The following SMG5 variants were observed in gnomAD, a reference collection of about 807,000 sequenced individuals.
The protein encoded by SMG5 is nonsense-mediated mRNA decay factor SMG5.
In SMG5, 53 loss-of-function variants were observed where a neutral mutation model predicts 122.9. The observed-to-expected ratio is 0.43, with a 90% CI of 0.35 to 0.54. SMG5 has a LOEUF of 0.54. SMG5 is among the 20% of genes least tolerant of loss of function. The pLI is 0.01. For synonymous variants in SMG5, 477 were observed against 490.2 expected, an observed-to-expected ratio of 0.97 and a Z score of 0.35; for missense variants, 1,153 against 1,285.6, an observed-to-expected ratio of 0.90 and a Z score of 1.58.
chr1:156,273,577 C>T, intron 5 of SMG5, 127 bp from the exon 6 acceptor site: 1 of 854,178 alleles, frequency 1.2e-6, no homozygotes, highest in Admixed American at 2.3e-5. Context: ...AGCTAGGAAG[C>T]AGGTTGCTGG....
intron 12 of SMG5, among the ~76,000 whole-genome samples, chr1:156,264,085 T>C (rs1661993941): frequency 6.6e-6 from 1 of 151,826 alleles, no homozygotes. Flanking sequence ...CTGGCCAACA[T>C]GGTGAAACCC....
chr1:156,256,310 CTTTTTTT>C (rs533116327), intron 16 of SMG5, among the ~76,000 whole-genome samples: 16 of 86,960 alleles, frequency 1.8e-4, no homozygotes, highest in African/African-American at 5.3e-4. Flanking sequence ...CATCTTCTCT[CTTTTTTT>C]TTTTTTTTTT....
At chr1:156,275,441 G>A (rs1216517432) in intron 4 of SMG5, among the ~76,000 whole-genome samples, 1 of 152,118 alleles carries the variant, frequency 6.6e-6, no homozygotes, top group South Asian at 2.1e-4. Flanking sequence ...GCATTCTACA[G>A]TATTAACTTA....
rs1661959421 is a variant in SMG5, at chr1:156,263,502, T to C, written c.1924A>G (p.Ile642Val). 1 of 1,614,136 alleles carries C rather than the reference T, an allele frequency of 6.2e-7. No homozygotes were observed. Among genetic ancestry groups the C allele is most frequent in the Non-Finnish European group, 8.5e-7 (1 of 1,180,056 alleles). Reference protein sequence around the residue: ...SGRSCRNERSIQEKLQVLMAE... With the variant: ...SGRSCRNERSVQEKLQVLMAE... Reference sequence around the variant, plus strand: ...ATCAGGACCTGAAGCTTCTCCTGGATGCTGCGCTCATTCCGACAGGAGCGT... The same window carrying C: ...ATCAGGACCTGAAGCTTCTCCTGGACGCTGCGCTCATTCCGACAGGAGCGT... The change falls in exon 13 of 22, where the codon ATC (isoleucine) becomes GTC (valine). Residue 642 changes from isoleucine (I) to valine (V), a missense_variant. By Grantham distance (29) the Ile-to-Val change is conservative. Around this residue, in one of 5 missense-constraint regions of SMG5, gnomAD observed 631 missense variants for 650.6 expected, o/e 0.97. Coordinates refer to ENST00000361813, the MANE Select transcript of SMG5 (RefSeq NM_015327.3).
chr1:156,270,315 T>C lies in SMG5; in HGVS notation c.714-1900A>G, dbSNP rs192208823. Among the ~76,000 whole-genome samples, 11 of 152,306 alleles carry C rather than the reference T, an allele frequency of 7.2e-5. No homozygotes were observed. The East Asian group carries it at 1.7e-3, about 24-fold the overall frequency. On this transcript the variant is annotated intron_variant, in intron 7 of 21. Transcript: ENST00000361813. ...AACAGCTTCCAAGTCTCCTAAGTCA[T>C]TGTTCACTGTTGGAGCCTTGAGCCA... is the stretch of plus-strand genomic sequence containing the variant.
At chr1:156,272,856 C>T (rs374670134) in intron 6 of SMG5, among the ~76,000 whole-genome samples, 15 of 152,112 alleles carry the variant, frequency 9.9e-5, no homozygotes, top group East Asian at 5.8e-4. Flanking sequence ...TGAGCCACCG[C>T]GCCCGGCCTA....
intron 2 of SMG5, 97 bp from the exon 3 acceptor site, chr1:156,278,145 A>C: frequency 1.4e-6 from 2 of 1,479,822 alleles, no homozygotes; most frequent in Non-Finnish European, 1.8e-6. Flanking sequence ...ACCCCCACCA[A>C]CAAATCTCGG....
intron 4 of SMG5, among the ~76,000 whole-genome samples, chr1:156,276,673 T>G (rs571117591): frequency 6.6e-6 from 1 of 152,338 alleles, no homozygotes; most frequent in African/African-American, 2.4e-5. Context: ...GAAAAGGAAC[T>G]TGTACTATGT....
At position 156,268,175 on chromosome 1, in the gene SMG5, T is replaced by C; in HGVS notation, c.848A>G (p.Asp283Gly). The change falls in exon 9 of 22, where the codon GAC (aspartate) becomes GGC (glycine). Residue 283 changes from aspartate to glycine, a missense_variant. Coordinates refer to ENST00000361813, the MANE Select transcript of SMG5 (RefSeq NM_015327.3). The stretch of plus-strand genomic sequence containing the variant: ...AAAGTTCACTAGCAACCTTTTAATG[T>C]CTTTACATCTGAAATGAGAAGAGCC... ...KLSPGKKRCK[D>G]IKRLLVNFMY... is the part of the protein sequence containing the mutation. 6.2e-7 allele frequency: 1 copy of C among 1,614,210 alleles called. No homozygotes were observed. Among genetic ancestry groups the C allele is most frequent in the Non-Finnish European group, 8.5e-7 (1 of 1,180,034 alleles).
In SMG5 at chr1:156,264,267, CAAAAA is replaced by C. The variant is rs1205363773; in HGVS notation, c.1856-702_1856-698del. Among the ~76,000 whole-genome samples, 103 of 53,972 alleles carry C rather than the reference CAAAAA, an allele frequency of 1.9e-3. 1 individual carries two copies. The highest frequency in any genetic ancestry group is 2.8e-3 in the Non-Finnish European group (89 of 31,872). 35.4% of individuals were successfully genotyped at this position (53,972 alleles called of 152,430 possible). A position where few individuals can be genotyped will look rare whatever the true frequency, so the allele number is the denominator to read the frequency against. On this transcript the variant is annotated intron_variant, in intron 12 of 21. Transcript: ENST00000361813. ...TGGGCAACAGAGCGAGACTCCGTCT[CAAAAA>C]AAAAAAAAAAAAAAAAAAAAAGAGT...
chr1:156,273,481 G>C (rs779919520), intron 5 of SMG5, 31 bp from the exon 6 acceptor site: 30 of 1,599,684 alleles, frequency 1.9e-5, no homozygotes, highest in Middle Eastern at 1.7e-4. Flanking sequence ...AGGGAAACTC[G>C]ATGATTTTAA....
rs1449588738 is a variant in SMG5 at position 156,259,134 on chromosome 1, G to A, written c.2313C>T (p.Ser771=). ...ESVVRICCIR[S]FGHFIARLQG... is the part of the protein sequence containing the mutation. ...GCAGGCGGGCGATGAAATGACCAAAGCTGCGGATGCAGCAGATGCGCACCA... is the reference window on the plus strand; with the variant it reads ...GCAGGCGGGCGATGAAATGACCAAAACTGCGGATGCAGCAGATGCGCACCA... Residue 771 remains serine, a synonymous_variant, in exon 16 of 22, where the codon AGC becomes AGT. Coordinates refer to ENST00000361813, the MANE Select transcript of SMG5 (RefSeq NM_015327.3). 6.2e-7 allele frequency: 1 copy of A among 1,600,248 alleles called. No homozygotes were observed.
the SMG5 span, chr1:156,291,300 A>G: frequency 7.8e-7 from 1 of 1,283,126 alleles, no homozygotes; most frequent in African/African-American, 1.5e-5. Context: ...TGCCTCCCCT[A>G]TCTACTCCCC....
intron 16 of SMG5, among the ~76,000 whole-genome samples, chr1:156,255,942 A>G (rs919994483): frequency 1.3e-5 from 2 of 152,166 alleles, no homozygotes; most frequent in African/African-American, 4.8e-5. Context: ...TCATGAGACC[A>G]CATCACACAA....
chr1:156,268,164 A>C lies in SMG5; in HGVS notation c.859T>G (p.Leu287Val). 1 of 1,614,122 alleles carries C rather than the reference A, an allele frequency of 6.2e-7. No individual in the cohort carries two copies. Among genetic ancestry groups the C allele is most frequent in the Non-Finnish European group, 8.5e-7 (1 of 1,180,038 alleles). ...GKKRCKDIKR[L>V]LVNFMYLQSL... Reference sequence around the variant, plus strand: ...TGCAGATACATAAAGTTCACTAGCAACCTTTTAATGTCTTTACATCTGAAA... The same window carrying C: ...TGCAGATACATAAAGTTCACTAGCACCCTTTTAATGTCTTTACATCTGAAA... The change falls in exon 9 of 22, where the codon TTG (leucine) becomes GTG (valine). Residue 287 changes from leucine (L) to valine (V), a missense_variant. Coordinates refer to ENST00000361813, the MANE Select transcript of SMG5 (RefSeq NM_015327.3).
intron 9 of SMG5, 115 bp from the exon 10 acceptor site, chr1:156,267,793 A>G: frequency 1.1e-6 from 1 of 921,930 alleles, no homozygotes; most frequent in Non-Finnish European, 1.7e-6. Flanking sequence ...GAGACCTGAG[A>G]GCACACCAGG....
intron 13 of SMG5, 84 bp from the exon 14 acceptor site, chr1:156,261,492 G>GT: frequency 8.7e-7 from 1 of 1,145,456 alleles, no homozygotes; most frequent in East Asian, 2.4e-5. Flanking sequence ...CCACCCTGAG[G>GT]GATCTGGCCT....
intron 1 of SMG5, among the ~76,000 whole-genome samples, chr1:156,282,217 G>A (rs1383814857): frequency 6.6e-6 from 1 of 152,142 alleles, no homozygotes; most frequent in Non-Finnish European, 1.5e-5. Flanking sequence ...TTCAGTCCAA[G>A]ACTCTTCCTT....
upstream of SMG5, chr1:156,285,480 G>T: frequency 6.2e-7 from 1 of 1,614,120 alleles, no homozygotes; most frequent in Non-Finnish European, 8.5e-7. Flanking sequence ...CCTCAGCCCA[G>T]TGCTCCGTTC....
Sources: gnomAD v4.1 joint callset for allele counts (sites outside exome capture counted in the v4.1 genomes callset) on GRCh38, gnomAD v4.1.1 for gene constraint, gnomAD v4.1.1 regional missense constraint, MANE v1.5 for transcripts, NCBI Gene and HGNC (gene_info 2026-07-23, HGNC 2026-07-21) for gene names.